Variants in ITIH1 observed in about 807,000 individuals in gnomAD.
ITIH1 encodes inter-alpha-trypsin inhibitor heavy chain H1.
In ITIH1, 94 loss-of-function variants were observed where a neutral mutation model predicts 104.6. The ratio of observed to expected loss-of-function variants is 0.90; its 90% CI spans 0.76 to 1.07. The LOEUF (loss-of-function observed/expected upper bound fraction) is 1.07, where lower values mean the gene tolerates loss of function less well. Among genes scored for constraint, ITIH1 ranks in the 50% least tolerant of loss-of-function variants. The pLI, the probability that ITIH1 is intolerant of heterozygous loss-of-function variation, is 0.00. For missense variants in ITIH1, 1,193 were observed against 1,181.4 expected, an observed-to-expected ratio of 1.01 and a Z score of -0.14; for synonymous variants, 455 against 464.4, an observed-to-expected ratio of 0.98 and a Z score of 0.26.
Position 52,779,036 on chromosome 3 carries a change from G to A in ITIH1, c.400G>A (p.Gly134Ser), listed in dbSNP as rs769733934. ...RKAAISGENA[G>S]LVRASGRTME... The stretch of plus-strand genomic sequence containing the variant: ...AGCAGCTATCTCAGGAGAGAATGCC[G>A]GCCTTGTCAGGTGAGTTCTGGGCCT... Residue 134 changes from glycine to serine, a missense_variant, in exon 4 of 22, where the codon GGC becomes AGC. Transcript: ENST00000273283. The surrounding 1 kb of genome is among the most constrained non-coding windows in gnomAD (Gnocchi z 4.4). 17 of 1,611,072 alleles carry A rather than the reference G, an allele frequency of 1.1e-5. No homozygotes were observed. The highest frequency in any genetic ancestry group is 3.3e-5 in the South Asian group (3 of 91,024).
chr3:52,790,659 A>G (rs1325834919), intron 19 of ITIH1, 90 bp from the exon 20 acceptor site: 6 of 1,362,136 alleles, frequency 4.4e-6, no homozygotes, highest in Non-Finnish European at 6.2e-6. Flanking sequence ...GGGCGTGGTC[A>G]TAAGGGTTGG....
chr3:52,778,332 C>T lies in ITIH1; in HGVS notation c.139-8C>T, dbSNP rs1698954179. 6.2e-7 allele frequency: 1 copy of T among 1,614,096 alleles called. No homozygotes were observed. Among genetic ancestry groups the T allele is most frequent in the Non-Finnish European group, 8.5e-7 (1 of 1,179,928 alleles). ...CTCAGGCCACAGCTCCTTCATGTCT[C>T]ACTTTAGGCTGTCGATGGCGTGTTC... On this transcript the variant is annotated splice_region_variant and splice_polypyrimidine_tract_variant and intron_variant, in intron 2 of 21. Coordinates refer to ENST00000273283, the MANE Select transcript of ITIH1 (RefSeq NM_002215.4).
chr3:52,788,519 G>A (rs1699263462), intron 18 of ITIH1, among the ~76,000 whole-genome samples, 174 bp downstream of exon 18: 1 of 151,616 alleles, frequency 6.6e-6, no homozygotes. Flanking sequence ...CACCTACACA[G>A]GGCCAGCTTT....
chr3:52,781,207 TTTTCTTCTTCTTCTTCTTCTTC>T lies in ITIH1; in HGVS notation c.688-730_688-709del, dbSNP rs1559461221. Among the ~76,000 whole-genome samples, 264 of 65,882 alleles carry T rather than the reference TTTTCTTCTTCTTCTTCTTCTTC, an allele frequency of 4.0e-3. 19 individuals carry two copies. The highest frequency in any genetic ancestry group is 0.021 in the Middle Eastern group (3 of 140). The allele number at this position is 65,882 out of a possible 152,430, so 43.2% of individuals were successfully genotyped here. ...TCACCTCCTCCTCTTCTTTTTTTTT[TTTTCTTCTTCTTCTTCTTCTTC>T]TTCTTCTTCTTCTTCTTCTTCTTCT... On this transcript the variant is annotated intron_variant, in intron 6 of 21. Transcript: ENST00000273283.
chr3:52,790,704 A>AT, intron 19 of ITIH1, 45 bp from the exon 20 acceptor site: 1 of 1,583,582 alleles, frequency 6.3e-7, no homozygotes, highest in Non-Finnish European at 8.6e-7. Flanking sequence ...ATGGAGAGGG[A>AT]TGCAGTGCAG....
chr3:52,788,209 C>G (rs746020073), intron 17 of ITIH1, 23 bp from the exon 18 acceptor site: 2 of 1,577,370 alleles, frequency 1.3e-6, no homozygotes, highest in East Asian at 4.5e-5. Context: ...TCCAATCTAA[C>G]GAATTCCATG....
intron 20 of ITIH1, among the ~76,000 whole-genome samples, chr3:52,791,150 C>T (rs1341677001): frequency 6.6e-6 from 1 of 152,164 alleles, no homozygotes; most frequent in Non-Finnish European, 1.5e-5. Flanking sequence ...GGGCAGAGGT[C>T]TGATCGCAAA....
intron 12 of ITIH1, 49 bp downstream of exon 12, chr3:52,785,278 G>T (rs918420144): frequency 2.5e-6 from 4 of 1,574,420 alleles, no homozygotes; most frequent in Non-Finnish European, 2.6e-6. Flanking sequence ...CACCCTAGAG[G>T]CTCCAAACCC....
chr3:52,778,713 G>A, intron 3 of ITIH1: 7 of 1,420,666 alleles, frequency 4.9e-6, no homozygotes, highest in Non-Finnish European at 6.5e-6. Context: ...ACCCATCACA[G>A]CATGTTTCAG....
chr3:52,786,598 G>A (rs1210947935), intron 13 of ITIH1, among the ~76,000 whole-genome samples, 164 bp downstream of exon 13: 2 of 152,160 alleles, frequency 1.3e-5, no homozygotes, highest in South Asian at 2.1e-4. Flanking sequence ...TCAACAGTCC[G>A]GGCAGGCCCA....
chr3:52,791,724 G>T (rs1272976548), intron 21 of ITIH1, 58 bp from the exon 22 acceptor site: 2 of 1,605,924 alleles, frequency 1.2e-6, no homozygotes, highest in Admixed American at 3.3e-5. Context: ...TGAGCTTCCT[G>T]GGGAGGTGCT....
intron 3 of ITIH1, 46 bp downstream of exon 3, chr3:52,778,552 T>C (rs985323995): frequency 6.2e-7 from 1 of 1,608,824 alleles, no homozygotes; most frequent in Non-Finnish European, 8.5e-7. Flanking sequence ...GGGTGCCGCT[T>C]ACTAGTCCCA....
At chr3:52,786,809 G>A in intron 13 of ITIH1, 136 bp from the exon 14 acceptor site, 1 of 1,027,342 alleles carries the variant, frequency 9.7e-7, no homozygotes, top group East Asian at 2.6e-5. Context: ...CCACTGCATA[G>A]GACACCATGG....
chr3:52,791,663 G>A lies in ITIH1; in HGVS notation c.2606+35G>A, dbSNP rs147913820. 157 of 1,611,240 alleles carry A rather than the reference G, an allele frequency of 9.7e-5. No individual in the cohort carries two copies. The South Asian group carries it at 1.2e-3, about 12-fold the overall frequency. On this transcript the variant is annotated intron_variant, in intron 21 of 21. Transcript: ENST00000273283. ...CTGCTTGCCCAGCACGTCTGCCCTCGGCCACTTTGTAGTTCTTCCAGGTCT... is the reference window on the plus strand; with the variant it reads ...CTGCTTGCCCAGCACGTCTGCCCTCAGCCACTTTGTAGTTCTTCCAGGTCT...
rs1481232237 is a variant in ITIH1, at chr3:52,790,936, G to A, written c.2494+15G>A. ...CGGGCTGCTGGGTACGGCTGGCCAGGCTGGCAGGGCTGTGGGGAAGGGTGT... is the reference window on the plus strand; with the variant it reads ...CGGGCTGCTGGGTACGGCTGGCCAGACTGGCAGGGCTGTGGGGAAGGGTGT... On this transcript the variant is annotated intron_variant, in intron 20 of 21. Transcript: ENST00000273283. 4.4e-6 allele frequency: 7 copies of A among 1,588,816 alleles called. No individual in the cohort carries two copies. Among genetic ancestry groups the A allele is most frequent in the Non-Finnish European group, 6.0e-6 (7 of 1,170,494 alleles).
chr3:52,783,100 T>C lies in ITIH1; in HGVS notation c.1074T>C (p.Phe358=), dbSNP rs756726587. The stretch of plus-strand genomic sequence containing the variant: ...CCAACCTACAAGCAGCTCAAGACTT[T>C]GTGCGGGGCTTTTCCCTGGATGAGG... ...SEANLQAAQD[F]VRGFSLDEAT... The change falls in exon 9 of 22, where the codon TTT becomes TTC. Residue 358 remains phenylalanine, a synonymous_variant. Coordinates refer to ENST00000273283, the MANE Select transcript of ITIH1 (RefSeq NM_002215.4). The C allele has an allele frequency of 1.9e-6, 3 of 1,614,054 alleles. No homozygotes were observed. The highest frequency in any genetic ancestry group is 2.2e-5 in the East Asian group (1 of 44,872).
chr3:52,782,268 G>A lies in ITIH1; in HGVS notation c.930+1G>A. 3 of 1,610,676 alleles carry A rather than the reference G, an allele frequency of 1.9e-6. No individual in the cohort carries two copies. The highest frequency in any genetic ancestry group is 2.5e-6 in the Non-Finnish European group (3 of 1,176,846). ...CATGAGAGGCCAGAAAGTGAAGCAG[G>A]TAGGCTGCAGCTTGAAACAGCTCAC... On this transcript the variant is annotated splice_donor_variant, in intron 8 of 21. Coordinates refer to ENST00000273283, the MANE Select transcript of ITIH1 (RefSeq NM_002215.4). LOFTEE classifies it high-confidence loss of function.
At chr3:52,789,889 A>C (rs1206471173) in intron 19 of ITIH1, 35 bp downstream of exon 19, 3 of 1,598,374 alleles carry the variant, frequency 1.9e-6, no homozygotes, top group Non-Finnish European at 2.6e-6. Flanking sequence ...ATGCAGGGGG[A>C]GGTGTGGCCT....
At chr3:52,780,095 T>A (rs114505883) in intron 5 of ITIH1, 174 bp from the exon 6 acceptor site, 1 of 933,500 alleles carries the variant, frequency 1.1e-6, no homozygotes, top group African/African-American at 1.7e-5. Flanking sequence ...TGAGACTTGG[T>A]GAGTGGGAGC....
Sources: gnomAD v4.1 joint callset for allele counts (sites outside exome capture counted in the v4.1 genomes callset) on GRCh38, gnomAD v4.1.1 for gene constraint, Gnocchi (gnomAD v3.1) non-coding constraint, MANE v1.5 for transcripts, NCBI Gene and HGNC (gene_info 2026-07-23, HGNC 2026-07-21) for gene names.